The following MPP7 variants were observed in gnomAD, a reference collection of about 807,000 sequenced individuals.
MPP7 encodes MAGUK p55 subfamily member 7.
Under a neutral mutation model 76.5 loss-of-function variants are expected in MPP7, and 60 were observed. The observed-to-expected ratio is 0.78, with a 90% CI of 0.64 to 0.97. The LOEUF is 0.97. MPP7 is among the 50% of genes least tolerant of loss of function. MPP7 has a pLI of 0.00. For missense variants in MPP7, 641 were observed against 694.0 expected, an observed-to-expected ratio of 0.92 and a Z score of 0.86; for synonymous variants, 237 against 244.5, an observed-to-expected ratio of 0.97 and a Z score of 0.29.
intron 1 of MPP7, among the ~76,000 whole-genome samples, chr10:28,244,737 A>C (rs1241166608): frequency 2.0e-5 from 3 of 152,198 alleles, no homozygotes; most frequent in African/African-American, 7.2e-5. Context: ...CCCAGGCTTC[A>C]AGGCTGCTAG....
chr10:28,296,566 T>A (rs914782110), intron 1 of MPP7, among the ~76,000 whole-genome samples: 1 of 152,210 alleles, frequency 6.6e-6, no homozygotes, highest in Non-Finnish European at 1.5e-5. Context: ...AAAATGGATA[T>A]CGCAACTGCT....
intron 5 of MPP7, among the ~76,000 whole-genome samples, chr10:28,133,875 A>T (rs1266234244): frequency 6.6e-6 from 1 of 152,116 alleles, no homozygotes; most frequent in African/African-American, 2.4e-5. Context: ...CCATGCTGTT[A>T]CTTATGGTAG....
intron 13 of MPP7, among the ~76,000 whole-genome samples, chr10:28,064,623 C>CT (rs1851921240): frequency 6.6e-6 from 1 of 152,126 alleles, no homozygotes; most frequent in Non-Finnish European, 1.5e-5. Flanking sequence ...AAAAAAGAAT[C>CT]TGAGAAGTAC....
chr10:28,143,894 TGTGTGTGTGA>T (rs1355852352), intron 5 of MPP7, among the ~76,000 whole-genome samples: 1,403 of 86,716 alleles, frequency 0.016, 24 homozygotes, highest in South Asian at 0.094. Flanking sequence ...TGTGTGTGTG[TGTGTGTGTGA>T]GACTGAGTTT....
At chr10:28,082,215 A>C (rs1453665385) in intron 12 of MPP7, among the ~76,000 whole-genome samples, 1 of 152,214 alleles carries the variant, frequency 6.6e-6, no homozygotes, top group Non-Finnish European at 1.5e-5. Context: ...CAGAATTTCC[A>C]AAATTTGTGT....
At position 28,181,570 on chromosome 10, in the gene MPP7, T is replaced by C. The variant is rs1397289280; in HGVS notation, c.156+20583A>G. Among the ~76,000 whole-genome samples, 3 of 152,128 alleles carry C rather than the reference T, an allele frequency of 2.0e-5. No homozygotes were observed. In the East Asian group the frequency reaches 5.8e-4, roughly 29 times the overall value. Reference sequence around the variant, plus strand: ...TCGTGCCCCACGATGGGCACTCAAGTATTTGTGAAATGAATGGAAAACAAA... The same window carrying C: ...TCGTGCCCCACGATGGGCACTCAAGCATTTGTGAAATGAATGGAAAACAAA... On this transcript the variant is annotated intron_variant, in intron 3 of 16. Coordinates refer to ENST00000683449, the MANE Select transcript of MPP7 (RefSeq NM_001318170.2).
intron 5 of MPP7, among the ~76,000 whole-genome samples, chr10:28,133,016 C>T (rs1835244426): frequency 6.6e-6 from 1 of 152,212 alleles, no homozygotes; most frequent in South Asian, 2.1e-4. Flanking sequence ...GGAACACAGG[C>T]CATGCTCATT....
At chr10:28,057,985 G>T in intron 15 of MPP7, 1 of 689,978 alleles carries the variant, frequency 1.4e-6, no homozygotes, top group Non-Finnish European at 2.0e-6. Flanking sequence ...GACAGGTGCA[G>T]ACATGGCAGT....
intron 1 of MPP7, among the ~76,000 whole-genome samples, chr10:28,288,785 G>C (rs1189280331): frequency 3.3e-5 from 5 of 152,140 alleles, no homozygotes; most frequent in African/African-American, 1.2e-4. Context: ...TTGAGTTCCT[G>C]TTTGAACAAA....
intron 1 of MPP7, among the ~76,000 whole-genome samples, chr10:28,268,177 A>G (rs1008796077): frequency 8.5e-5 from 13 of 152,174 alleles, no homozygotes; most frequent in Non-Finnish European, 1.5e-4. Context: ...AGGTGCAATT[A>G]AGCTCAGCCC....
chr10:28,181,228 C>T (rs1002858444), intron 3 of MPP7, among the ~76,000 whole-genome samples: 8 of 152,074 alleles, frequency 5.3e-5, no homozygotes, highest in South Asian at 4.1e-4. Flanking sequence ...AAGTATTTTA[C>T]GTGAAAATGG....
intron 1 of MPP7, among the ~76,000 whole-genome samples, chr10:28,247,258 T>A (rs762775338): frequency 3.9e-5 from 6 of 152,226 alleles, no homozygotes; most frequent in Non-Finnish European, 7.3e-5. Context: ...AACAGACTCA[T>A]GTAAATTGTC....
chr10:28,173,370 A>C (rs1444835239), intron 3 of MPP7, among the ~76,000 whole-genome samples: 2 of 152,240 alleles, frequency 1.3e-5, no homozygotes, highest in Non-Finnish European at 2.9e-5. Context: ...CTGAACAATA[A>C]GGCAAACATA....
intron 1 of MPP7, among the ~76,000 whole-genome samples, chr10:28,265,527 C>T (rs538158406): frequency 1.1e-4 from 17 of 152,216 alleles, no homozygotes; most frequent in African/African-American, 3.6e-4. Flanking sequence ...CCACTGCACT[C>T]CAGCTTGGGC....
intron 2 of MPP7, among the ~76,000 whole-genome samples, chr10:28,210,230 C>T (rs1418160644): frequency 6.6e-6 from 1 of 152,134 alleles, no homozygotes; most frequent in African/African-American, 2.4e-5. Flanking sequence ...GAGTGAATTC[C>T]CATAATAAAT....
intron 11 of MPP7, among the ~76,000 whole-genome samples, chr10:28,113,184 A>G (rs146958896): frequency 5.3e-5 from 8 of 152,152 alleles, no homozygotes; most frequent in African/African-American, 1.9e-4. Context: ...TACACCCACT[A>G]TTTAGAACTC....
chr10:28,116,179 C>T (rs893551246), intron 11 of MPP7, among the ~76,000 whole-genome samples: 1 of 152,108 alleles, frequency 6.6e-6, no homozygotes, highest in African/African-American at 2.4e-5. Flanking sequence ...ATATAAATCA[C>T]ATCCTACTGA....
At chr10:28,320,832 G>T (rs986770744) in intron 2 of MPP7, among the ~76,000 whole-genome samples, 11 of 148,696 alleles carry the variant, frequency 7.4e-5, no homozygotes, top group Admixed American at 1.3e-4. Context: ...TTTTTTGTTT[G>T]TTTTTTTTTT....
At chr10:28,315,196 GA>G (rs1834306722) in intron 2 of MPP7, among the ~76,000 whole-genome samples, 1 of 143,668 alleles carries the variant, frequency 7.0e-6, no homozygotes, top group Admixed American at 7.1e-5. Flanking sequence ...AGGAGGGAAG[GA>G]AGGAAGGAAG....
Sources: allele counts gnomAD v4.1 joint callset (sites outside exome capture counted in the v4.1 genomes callset), GRCh38; gene constraint gnomAD v4.1.1; transcripts MANE v1.5; gene names NCBI Gene and HGNC (gene_info 2026-07-23, HGNC 2026-07-21).